XIRP2: variants seen among roughly 807,000 people sequenced by gnomAD.
XIRP2 encodes the protein xin actin binding repeat containing 2, also known as xin actin-binding repeat-containing protein 2.
In XIRP2, 236 loss-of-function variants were observed where a neutral mutation model predicts 277.0. That is an observed-to-expected ratio of 0.85 (90% CI 0.77 to 0.95). The LOEUF is 0.95. Ranked by LOEUF, XIRP2 falls within the 40% of genes least tolerant of loss-of-function variation. The probability of loss-of-function intolerance (pLI) is 0.00; values close to 1 mark genes in which losing one functional copy is unlikely to be tolerated. For missense variants in XIRP2, 4,640 were observed against 4,157.5 expected (o/e 1.12, Z -3.19); for synonymous variants, 1,490 against 1,416.5 (o/e 1.05, Z -1.17).
At position 167,243,176 on chromosome 2, in the gene XIRP2, A is replaced by G; in HGVS notation, c.1784A>G (p.Asp595Gly). ...GATTCCATCAACAATGGCTCTCCTG[A>G]TGAAGGTGATATTTCCAGGGGCATT... is the stretch of plus-strand genomic sequence containing the variant. Reference protein sequence around the residue: ...PLDSINNGSPDEGDISRGIAD... With the variant: ...PLDSINNGSPGEGDISRGIAD... The change falls in exon 9 of 11, where the codon GAT (aspartate) becomes GGT (glycine). Residue 595 changes from aspartate to glycine, a missense_variant. Asp to Gly is a moderately conservative substitution (Grantham distance 94). Coordinates refer to ENST00000409195, the MANE Select transcript of XIRP2 (RefSeq NM_152381.6). The G allele has an allele frequency of 2.5e-6, 4 of 1,614,130 alleles. No homozygotes were observed. Among genetic ancestry groups the G allele is most frequent in the Non-Finnish European group, 2.5e-6 (3 of 1,179,994 alleles).
At chr2:167,025,101 G>A (rs1334321647) in intron 2 of XIRP2, among the ~76,000 whole-genome samples, 1 of 152,006 alleles carries the variant, frequency 6.6e-6, no homozygotes, top group African/African-American at 2.4e-5. Context: ...TTTACGGTTG[G>A]TAAGCTATTG....
chr2:167,102,130 C>G (rs1018552947), intron 2 of XIRP2, among the ~76,000 whole-genome samples: 4 of 152,152 alleles, frequency 2.6e-5, no homozygotes, highest in Non-Finnish European at 4.4e-5. Context: ...TTGCCCTAGA[C>G]AGCTTGTTTG....
chr2:167,244,972 G>A lies in XIRP2; in HGVS notation c.3580G>A (p.Ala1194Thr). The A allele has an allele frequency of 6.2e-7, 1 of 1,613,292 alleles. No homozygotes were observed. The highest frequency in any genetic ancestry group is 8.5e-7 in the Non-Finnish European group (1 of 1,179,684). The change falls in exon 9 of 11, where the codon GCT (alanine) becomes ACT (threonine). Residue 1194 changes from alanine to threonine, a missense_variant. Transcript: ENST00000409195. Reference sequence around the variant, plus strand: ...CAAGCCTGTTGAAATGGATATACAAGCTGGAGATGTTTCCAGCATGAGGTA... The same window carrying A: ...CAAGCCTGTTGAAATGGATATACAAACTGGAGATGTTTCCAGCATGAGGTA... ...EIKPVEMDIQ[A>T]GDVSSMRYKF...
intron 3 of XIRP2, among the ~76,000 whole-genome samples, chr2:167,209,822 G>A (rs1040504633): frequency 2.6e-5 from 4 of 152,016 alleles, no homozygotes; most frequent in African/African-American, 9.7e-5. Flanking sequence ...ACATAACAAT[G>A]GAGGGTCCTT....
chr2:167,175,381 A>G (rs528434337), intron 3 of XIRP2, among the ~76,000 whole-genome samples: 33 of 152,102 alleles, frequency 2.2e-4, no homozygotes, highest in African/African-American at 7.2e-4. Flanking sequence ...TTTCCTTCTA[A>G]CAGTCAGGCC....
chr2:167,249,689 T>C lies in XIRP2; in HGVS notation c.8297T>C (p.Leu2766Pro), dbSNP rs773766107. ...ASTECSHKQS[L>P]AERHYQLPKK... ...ACTGAATGTAGTCATAAGCAATCTC[T>C]GGCTGAAAGACATTATCAGTTACCT... is the stretch of plus-strand genomic sequence containing the variant. Residue 2766 changes from leucine (L) to proline (P), a missense_variant, in exon 9 of 11, where the codon CTG (leucine) becomes CCG (proline). By Grantham distance (98) the Leu-to-Pro change is moderately conservative. Transcript: ENST00000409195. 89 of 1,613,346 alleles carry C rather than the reference T, an allele frequency of 5.5e-5. No homozygotes were observed. Among genetic ancestry groups the C allele is most frequent in the Non-Finnish European group, 6.8e-5 (80 of 1,179,756 alleles).
intron 2 of XIRP2, among the ~76,000 whole-genome samples, chr2:166,925,731 CA>C (rs1247577610): frequency 6.6e-6 from 1 of 151,028 alleles, no homozygotes; most frequent in African/African-American, 2.4e-5. Context: ...GGGTGATAGG[CA>C]CAGGGGCAAG....
At chr2:166,970,425 T>C (rs1312493880) in intron 2 of XIRP2, among the ~76,000 whole-genome samples, 1 of 152,016 alleles carries the variant, frequency 6.6e-6, no homozygotes, top group African/African-American at 2.4e-5. Flanking sequence ...TTATTTTGCT[T>C]TTCCCAGTTG....
rs776449667 is a variant in XIRP2 at position 167,244,647 on chromosome 2, T to G, written c.3255T>G (p.Asp1085Glu). 6.2e-7 allele frequency: 1 copy of G among 1,613,484 alleles called. No homozygotes were observed. Among genetic ancestry groups the G allele is most frequent in the Admixed American group, 1.7e-5 (1 of 59,934 alleles). Residue 1085 changes from aspartate (D) to glutamate (E), a missense_variant, in exon 9 of 11, where the codon GAT (aspartate) becomes GAG (glutamate). By Grantham distance (45) the Asp-to-Glu change is conservative (BLOSUM62 2). Coordinates refer to ENST00000409195, the MANE Select transcript of XIRP2 (RefSeq NM_152381.6). ...AAAGTAAAACTGAACAAACTAGAGATATTGTTAAAGGGGATGTCAAAACCT... is the reference window on the plus strand; with the variant it reads ...AAAGTAAAACTGAACAAACTAGAGAGATTGTTAAAGGGGATGTCAAAACCT... ...ETESKTEQTR[D>E]IVKGDVKTCK...
At chr2:166,936,313 C>T (rs1685500117) in intron 2 of XIRP2, among the ~76,000 whole-genome samples, 1 of 152,044 alleles carries the variant, frequency 6.6e-6, no homozygotes. Context: ...TGGATATTAG[C>T]CCTTTGTCAG....
At chr2:167,169,554 G>A (rs1368271863) in intron 3 of XIRP2, among the ~76,000 whole-genome samples, 1 of 152,174 alleles carries the variant, frequency 6.6e-6, no homozygotes, top group African/African-American at 2.4e-5. Context: ...TTTTCTGATA[G>A]ATCTAAGAAG....
At chr2:166,916,804 C>A (rs1008020633) in intron 2 of XIRP2, among the ~76,000 whole-genome samples, 2 of 152,162 alleles carry the variant, frequency 1.3e-5, no homozygotes, top group African/African-American at 4.8e-5. Context: ...GGCTCAGCAA[C>A]TTTCTCATTG....
chr2:167,066,456 T>C (rs1052342055), intron 2 of XIRP2, among the ~76,000 whole-genome samples: 5 of 151,862 alleles, frequency 3.3e-5, no homozygotes, highest in African/African-American at 1.2e-4. Flanking sequence ...ATGCCTATTA[T>C]CAAAAAACAA....
rs747822099 is a variant in XIRP2 at position 167,041,846 on chromosome 2, CAT to C, written c.409-94060_409-94059del. Reference sequence around the variant, plus strand: ...TGCAAATTCAGGAAATTCAAAGAAACATATGAGATACCATCACAAAGGCACAT... The same window carrying C: ...TGCAAATTCAGGAAATTCAAAGAAACATGAGATACCATCACAAAGGCACAT... On this transcript the variant is annotated intron_variant, in intron 2 of 10. Coordinates refer to ENST00000409195, the MANE Select transcript of XIRP2 (RefSeq NM_152381.6). Among the ~76,000 whole-genome samples, 9 of 152,138 alleles carry C rather than the reference CAT, an allele frequency of 5.9e-5. No homozygotes were observed. In the South Asian group the frequency reaches 1.9e-3, roughly 32 times the overall value.
intron 2 of XIRP2, among the ~76,000 whole-genome samples, chr2:167,123,522 T>G (rs1691115602): frequency 6.6e-6 from 1 of 152,126 alleles, no homozygotes; most frequent in Non-Finnish European, 1.5e-5. Context: ...TGTTTTGTTT[T>G]GTTTTGCAGT....
chr2:166,985,336 C>G (rs765263563), intron 2 of XIRP2, among the ~76,000 whole-genome samples: 2 of 152,074 alleles, frequency 1.3e-5, no homozygotes, highest in Non-Finnish European at 2.9e-5. Flanking sequence ...CTCAAACATG[C>G]CATTGATTTT....
chr2:167,196,432 G>A (rs1032353486), intron 3 of XIRP2, among the ~76,000 whole-genome samples: 8 of 151,418 alleles, frequency 5.3e-5, no homozygotes, highest in Non-Finnish European at 1.2e-4. Flanking sequence ...GTGTGTGTGT[G>A]TGTGTGTGTG....
At chr2:166,922,231 A>T (rs192173010) in intron 2 of XIRP2, among the ~76,000 whole-genome samples, 1 of 151,932 alleles carries the variant, frequency 6.6e-6, no homozygotes, top group South Asian at 2.1e-4. Context: ...TCTGGGTAGA[A>T]GCTACCTCAC....
In XIRP2 at chr2:167,243,489, A is replaced by T; in HGVS notation, c.2097A>T (p.Gln699His). ...VKTVRYMFET[Q>H]HLDQLGQLHS... ...CTGTGAGATACATGTTTGAAACTCA[A>T]CATCTAGATCAACTTGGACAGCTTC... The change falls in exon 9 of 11, where the codon CAA (glutamine) becomes CAT (histidine). Residue 699 changes from glutamine to histidine, a missense_variant. Gln to His is a conservative substitution (Grantham distance 24, BLOSUM62 0). Transcript: ENST00000409195. 1.9e-6 allele frequency: 3 copies of T among 1,614,102 alleles called. No individual in the cohort carries two copies. In the South Asian group the frequency reaches 3.3e-5, roughly 18 times the overall value.
Sources: gnomAD v4.1 joint callset for allele counts (sites outside exome capture counted in the v4.1 genomes callset) on GRCh38, gnomAD v4.1.1 for gene constraint, MANE v1.5 for transcripts, NCBI Gene and HGNC (gene_info 2026-07-23, HGNC 2026-07-21) for gene names.